PARVB: variants seen among roughly 807,000 people sequenced by gnomAD.
PARVB encodes parvin beta, also known as beta-parvin.
PARVB carries 46 observed loss-of-function variants against 47.0 expected under a neutral mutation model. The ratio of observed to expected loss-of-function variants is 0.98; its 90% confidence interval spans 0.77 to 1.25. PARVB has a LOEUF of 1.25. Among genes scored for constraint, PARVB ranks in the 50% most tolerant of loss-of-function variants. The probability of loss-of-function intolerance (pLI) is 0.00; values close to 1 mark genes in which losing one functional copy is unlikely to be tolerated. For missense variants in PARVB, 473 were observed against 471.6 expected (o/e 1.00, Z -0.03); for synonymous variants, 196 against 196.3 (o/e 1.00, Z 0.01).
rs764558419 is a variant in PARVB, at chr22:44,158,065, G to A, written c.927G>A (p.Pro309=). The change falls in exon 11 of 13, where the codon CCG becomes CCA. Residue 309 remains proline, a synonymous_variant. Coordinates refer to ENST00000338758, the MANE Select transcript of PARVB (RefSeq NM_013327.5). ...CTCTCCACCACTTCTACCTGACTCC[G>A]GAAAGCTTCGATCAGAAGGTATGTG... is the stretch of plus-strand genomic sequence containing the variant. ...FVPLHHFYLT[P]ESFDQKVHNV... 46 of 1,612,850 alleles carry A rather than the reference G, an allele frequency of 2.9e-5. No individual in the cohort carries two copies. The highest frequency in any genetic ancestry group is 1.6e-4 in the Middle Eastern group (1 of 6,084).
chr22:44,076,327 G>A (rs2146992639), intron 1 of PARVB, among the ~76,000 whole-genome samples: 1 of 152,344 alleles, frequency 6.6e-6, no homozygotes, highest in East Asian at 1.9e-4. Flanking sequence ...CCGCAGCCCT[G>A]TGTCCTCTTT....
intron 2 of PARVB, among the ~76,000 whole-genome samples, chr22:44,095,724 C>T (rs2052288587): frequency 6.6e-6 from 1 of 152,194 alleles, no homozygotes; most frequent in Non-Finnish European, 1.5e-5. Context: ...ATTTATGGAA[C>T]ATTCTGCGTA....
rs1005511393 is a variant in PARVB at position 44,068,041 on chromosome 22, C to T, written c.113-25887C>T. On this transcript the variant is annotated intron_variant, in intron 1 of 12. Transcript: ENST00000338758. This position sits in a 1 kb window ranked among gnomAD's most constrained non-coding sequence, Gnocchi z 4.1. ...CAGTCCACTGCCTGCCCCAGAGCCC[C>T]GCCTGGAGCACCTGCTGGGTCGGGA... 6.6e-6 allele frequency among the ~76,000 whole-genome samples: 1 copy of T among 152,148 alleles called. No individual in the cohort carries two copies. Among genetic ancestry groups the T allele is most frequent in the Non-Finnish European group, 1.5e-5 (1 of 68,030 alleles).
intron 1 of PARVB, among the ~76,000 whole-genome samples, chr22:44,078,580 A>C (rs1332736759): frequency 6.6e-6 from 1 of 152,110 alleles, no homozygotes; most frequent in Non-Finnish European, 1.5e-5. Context: ...CTCCCACCCC[A>C]AGGTCCTTAC....
rs910028899 is a variant in PARVB, at chr22:44,068,425, G to A, written c.113-25503G>A. On this transcript the variant is annotated intron_variant, in intron 1 of 12. Transcript: ENST00000338758. The surrounding 1 kb of genome is among the most constrained non-coding windows in gnomAD (Gnocchi z 4.1). ...AAAGGGGGAGCAAGTTGCCGGCCAA[G>A]GTAGGTATCATGCGAGTCCTACTTC... 3.3e-5 allele frequency among the ~76,000 whole-genome samples: 5 copies of A among 152,170 alleles called. No individual in the cohort carries two copies. The highest frequency in any genetic ancestry group is 1.2e-4 in the African/African-American group (5 of 41,448).
At chr22:44,059,017 C>T (rs922029996) in intron 1 of PARVB, among the ~76,000 whole-genome samples, 4 of 133,446 alleles carry the variant, frequency 3.0e-5, no homozygotes, top group Non-Finnish European at 4.7e-5. Flanking sequence ...ATTGTATCTT[C>T]TTAGTTCTGC....
rs13058082 is a variant in PARVB at position 44,151,442 on chromosome 22, C to T, written c.775-41C>T. ...TGCCCCTCCAGATGGGACCTGCATG[C>T]GGGCCATTCATGGCTCCTGTGTCTC... On this transcript the variant is annotated intron_variant, in intron 9 of 12. Coordinates refer to ENST00000338758, the MANE Select transcript of PARVB (RefSeq NM_013327.5). The T allele has an allele frequency of 8.9e-3, 13,404 of 1,500,318 alleles. 92 individuals carry two copies. The highest frequency in any genetic ancestry group is 0.011 in the Non-Finnish European group (11,936 of 1,076,310). 92.9% of individuals were successfully genotyped at this position (1,500,318 alleles called of 1,614,324 possible).
intron 1 of PARVB, among the ~76,000 whole-genome samples, chr22:44,091,097 T>C (rs1335375154): frequency 1.3e-5 from 2 of 152,238 alleles, no homozygotes; most frequent in East Asian, 1.9e-4. Flanking sequence ...ATCATTTCCC[T>C]GTGAAGGTAT....
chr22:44,002,880 A>G (rs1323192985), intron 2 of PARVB, among the ~76,000 whole-genome samples: 1 of 152,146 alleles, frequency 6.6e-6, no homozygotes, highest in Non-Finnish European at 1.5e-5. Context: ...CTTTATACAT[A>G]GTGCCTTCCT....
chr22:44,024,135 G>C (rs35928604), upstream of PARVB: 60,375 of 167,506 alleles, frequency 0.36, 10,876 homozygotes, highest in South Asian at 0.42. Context: ...CCTTCTCTGA[G>C]CTTGAGCGGC....
At chr22:44,159,325 G>A (rs1176159609) in intron 11 of PARVB, among the ~76,000 whole-genome samples, 1 of 152,200 alleles carries the variant, frequency 6.6e-6, no homozygotes, top group Non-Finnish European at 1.5e-5. Context: ...CCTAGGGCTG[G>A]TTTCTTTCCA....
intron 1 of PARVB, among the ~76,000 whole-genome samples, chr22:44,055,501 AT>A (rs1224477112): frequency 6.6e-6 from 1 of 151,754 alleles, no homozygotes; most frequent in African/African-American, 2.4e-5. Flanking sequence ...CACCCGGCTA[AT>A]TTTTGTATTT....
intron 5 of PARVB, among the ~76,000 whole-genome samples, chr22:44,132,006 C>G (rs938091109): frequency 6.6e-6 from 1 of 152,218 alleles, no homozygotes; most frequent in African/African-American, 2.4e-5. Flanking sequence ...GTCTATGACC[C>G]TGGCATTATG....
intron 1 of PARVB, among the ~76,000 whole-genome samples, chr22:44,030,014 G>C (rs1336953172): frequency 6.6e-6 from 1 of 152,258 alleles, no homozygotes; most frequent in Non-Finnish European, 1.5e-5. Context: ...CTTCAGGAGA[G>C]AAATCTCAAA....
chr22:44,035,252 T>C (rs1295757700), intron 1 of PARVB, among the ~76,000 whole-genome samples: 1 of 152,188 alleles, frequency 6.6e-6, no homozygotes, highest in African/African-American at 2.4e-5. Flanking sequence ...AACATGCGTT[T>C]ACAAGATGAA....
At chr22:44,010,152 AGCT>A (rs2050507889) in intron 2 of PARVB, among the ~76,000 whole-genome samples, 1 of 152,160 alleles carries the variant, frequency 6.6e-6, no homozygotes. Flanking sequence ...TTAGAATGTA[AGCT>A]CCGCAGAGGA....
chr22:44,113,692 GCACCAACACAGA>G (rs2052774301), intron 3 of PARVB: 1 of 56,706 alleles, frequency 1.8e-5, no homozygotes, highest in Non-Finnish European at 3.1e-5. Context: ...GTAAGGCCCT[GCACCAACACAGA>G]TACATTGTTA....
chr22:44,048,372 C>T (rs983950983), intron 1 of PARVB, among the ~76,000 whole-genome samples: 3 of 151,874 alleles, frequency 2.0e-5, no homozygotes, highest in African/African-American at 7.3e-5. Flanking sequence ...GTAATAATTT[C>T]GCTCGAATTT....
chr22:44,115,154 C>G (rs569797345), intron 3 of PARVB: 1 of 68,928 alleles, frequency 1.5e-5, no homozygotes, highest in Non-Finnish European at 2.7e-5. Flanking sequence ...TACACTGTTA[C>G]TAACTAAGGC....
Sources: gnomAD v4.1 joint callset for allele counts (sites outside exome capture counted in the v4.1 genomes callset) on GRCh38, gnomAD v4.1.1 for gene constraint, Gnocchi (gnomAD v3.1) non-coding constraint, MANE v1.5 for transcripts, NCBI Gene and HGNC (gene_info 2026-07-23, HGNC 2026-07-21) for gene names.